The following LNX1 variants were observed in gnomAD, a reference collection of about 807,000 sequenced individuals.
The protein encoded by LNX1 is E3 ubiquitin-protein ligase LNX.
A neutral mutation model predicts 68.4 loss-of-function variants in LNX1; 54 were observed. The ratio of observed to expected loss-of-function variants is 0.79; its 90% CI spans 0.63 to 0.99. The LOEUF (loss-of-function observed/expected upper bound fraction) is 0.99, where lower values mean the gene tolerates loss of function less well. Among genes scored for constraint, LNX1 ranks in the 50% least tolerant of loss-of-function variants. The probability of loss-of-function intolerance (pLI) is 0.00; values close to 1 mark genes in which losing one functional copy is unlikely to be tolerated. For missense variants in LNX1, 906 were observed against 926.4 expected (o/e 0.98, Z 0.29); for synonymous variants, 336 against 350.0 (o/e 0.96, Z 0.45).
intron 9 of LNX1, 48 bp from the exon 10 acceptor site, chr4:53,461,641 TA>T: frequency 7.0e-7 from 1 of 1,426,470 alleles, no homozygotes; most frequent in African/African-American, 1.4e-5. Flanking sequence ...GTTTCACAGT[TA>T]AGGGAATACT....
intron 2 of LNX1, among the ~76,000 whole-genome samples, chr4:53,540,555 G>A (rs1728683649): frequency 6.6e-6 from 1 of 151,704 alleles, no homozygotes; most frequent in Non-Finnish European, 1.5e-5. Context: ...GGTGGTGGGT[G>A]CCTGTAATCC....
chr4:53,609,358 A>G (rs1190380271), intron 2 of LNX1, among the ~76,000 whole-genome samples: 2 of 151,794 alleles, frequency 1.3e-5, no homozygotes, highest in Non-Finnish European at 2.9e-5. Context: ...TTAAAATTTA[A>G]TTAAAAAGAA....
chr4:53,487,872 ACAGTTTGGCTT>A (rs978287754), intron 6 of LNX1, among the ~76,000 whole-genome samples: 1 of 152,106 alleles, frequency 6.6e-6, no homozygotes, highest in Admixed American at 6.5e-5. Context: ...TCAAAATGAG[ACAGTTTGGCTT>A]TAAATGATTT....
chr4:53,619,147 A>G (rs900904561), upstream of LNX1, among the ~76,000 whole-genome samples: 17 of 152,198 alleles, frequency 1.1e-4, no homozygotes, highest in African/African-American at 4.1e-4. Flanking sequence ...TAGCACCACC[A>G]AATAACATTA....
At chr4:53,592,464 T>A (rs1372953665), upstream of LNX1, among the ~76,000 whole-genome samples, 1 of 151,952 alleles carries the variant, frequency 6.6e-6, no homozygotes, top group African/African-American at 2.4e-5. Flanking sequence ...GCTGTAAACA[T>A]CTCCCATCAT....
chr4:53,582,709 G>GT (rs968728369), intron 1 of LNX1, among the ~76,000 whole-genome samples: 16 of 151,634 alleles, frequency 1.1e-4, no homozygotes, highest in South Asian at 2.1e-4. Context: ...AAGATTTTTT[G>GT]TTTTTTTGTT....
intron 9 of LNX1, among the ~76,000 whole-genome samples, chr4:53,468,092 A>T (rs1045006368): frequency 3.9e-5 from 6 of 152,216 alleles, no homozygotes; most frequent in African/African-American, 1.4e-4. Flanking sequence ...AGCCAGAGAG[A>T]AAGGTCGGGT....
At chr4:53,596,443 G>A (rs1165719049), upstream of LNX1, among the ~76,000 whole-genome samples, 1 of 152,138 alleles carries the variant, frequency 6.6e-6, no homozygotes. Flanking sequence ...TGGTCAGCAT[G>A]TTCTTCTTTA....
intron 6 of LNX1, among the ~76,000 whole-genome samples, chr4:53,484,206 T>C (rs1304148182): frequency 6.6e-6 from 1 of 152,202 alleles, no homozygotes; most frequent in Non-Finnish European, 1.5e-5. Context: ...TATTTTGTTA[T>C]AGCAGCATGA....
chr4:53,576,138 C>T, intron 1 of LNX1: 2 of 1,561,828 alleles, frequency 1.3e-6, no homozygotes, highest in East Asian at 4.8e-5. Flanking sequence ...ATTCTGTGGC[C>T]CAGCAGCAGG....
Position 53,577,111 on chromosome 4 carries a change from T to C in LNX1, c.-86-3023A>G, listed in dbSNP as rs17083069. On this transcript the variant is annotated intron_variant, in intron 1 of 10. Transcript: ENST00000263925. ...AGGAAATCTGTATCTATGCAGCTGC[T>C]GATTGTCCTCAAGGCTGTTAGAAAG... Among the ~76,000 whole-genome samples the C allele has an allele frequency of 9.1e-3, 1,383 of 152,340 alleles. 19 individuals carry two copies. The highest frequency in any genetic ancestry group is 0.026 in the African/African-American group (1,098 of 41,578).
chr4:53,514,524 A>G (rs1560638802), intron 2 of LNX1, among the ~76,000 whole-genome samples: 1 of 152,142 alleles, frequency 6.6e-6, no homozygotes, highest in Non-Finnish European at 1.5e-5. Flanking sequence ...TAAAACCATC[A>G]GATCTTGTGA....
chr4:53,525,047 A>T (rs1323877635), intron 2 of LNX1, among the ~76,000 whole-genome samples: 2 of 152,200 alleles, frequency 1.3e-5, no homozygotes, highest in Non-Finnish European at 2.9e-5. Flanking sequence ...TTGGACAAAC[A>T]GTAGTGGTCT....
chr4:53,467,551 G>C (rs1257200100), intron 9 of LNX1, among the ~76,000 whole-genome samples: 3 of 152,112 alleles, frequency 2.0e-5, no homozygotes, highest in Non-Finnish European at 4.4e-5. Context: ...ACGAGCTAAA[G>C]GAGGAAGTTT....
intron 1 of LNX1, among the ~76,000 whole-genome samples, chr4:53,580,560 C>T (rs1731769472): frequency 6.6e-6 from 1 of 152,184 alleles, no homozygotes; most frequent in South Asian, 2.1e-4. Flanking sequence ...AGACACTGCC[C>T]TGAGGCCTGG....
At chr4:53,566,788 A>G (rs1672685312) in intron 2 of LNX1, among the ~76,000 whole-genome samples, 1 of 149,892 alleles carries the variant, frequency 6.7e-6, no homozygotes, top group Admixed American at 6.6e-5. Flanking sequence ...GGCTCAAAAT[A>G]AAAGGATGGA....
chr4:53,564,893 C>T (rs1730548134), intron 2 of LNX1, among the ~76,000 whole-genome samples: 2 of 152,174 alleles, frequency 1.3e-5, no homozygotes, highest in African/African-American at 4.8e-5. Context: ...TGACAGACAG[C>T]ACCGGGAAAA....
intron 2 of LNX1, among the ~76,000 whole-genome samples, chr4:53,599,500 G>C (rs1422403832): frequency 6.6e-6 from 1 of 152,236 alleles, no homozygotes; most frequent in East Asian, 1.9e-4. Flanking sequence ...CCTTGGGCCT[G>C]CTCTGTCTAT....
At chr4:53,645,338 T>C (rs932230715) in intron 1 of LNX1, among the ~76,000 whole-genome samples, 6 of 152,146 alleles carry the variant, frequency 3.9e-5, no homozygotes, top group African/African-American at 1.4e-4. Context: ...AGAGCCCTCT[T>C]GTGCAGAGGG....
Sources: allele counts gnomAD v4.1 joint callset (sites outside exome capture counted in the v4.1 genomes callset), GRCh38; gene constraint gnomAD v4.1.1; transcripts MANE v1.5; gene names NCBI Gene and HGNC (gene_info 2026-07-23, HGNC 2026-07-21).